The following HERC3 variants were observed in gnomAD, a reference collection of about 807,000 sequenced individuals.
The protein encoded by HERC3 is HECT and RLD domain containing E3 ubiquitin protein ligase 3, also known as probable E3 ubiquitin-protein ligase HERC3.
In HERC3, 58 loss-of-function variants were observed where a neutral mutation model predicts 129.9. That is an observed-to-expected ratio of 0.45 (90% CI 0.36 to 0.56). The LOEUF (loss-of-function observed/expected upper bound fraction) is 0.56. Ranked by LOEUF, HERC3 falls within the 20% of genes least tolerant of loss-of-function variation. The pLI, the probability that HERC3 is intolerant of heterozygous loss-of-function variation, is 0.00. For synonymous variants in HERC3, 430 were observed against 451.0 expected, an observed-to-expected ratio of 0.95 and a Z score of 0.59; for missense variants, 835 against 1,244.2, an observed-to-expected ratio of 0.67 and a Z score of 4.95.
rs1258419333 is a variant in HERC3, at chr4:88,697,588, TGG to T, written c.2658-6507_2658-6506del. 1.9e-6 allele frequency: 3 copies of T among 1,613,616 alleles called. No homozygotes were observed. The African/African-American group carries it at 4.0e-5, about 22-fold the overall frequency. The stretch of plus-strand genomic sequence containing the variant: ...CTTTGGGGCATTCTCTGCAGGGGTC[TGG>T]GGCTCCTCAGCCATCTGACCAGCCG... On this transcript the variant is annotated intron_variant, in intron 23 of 25. Transcript: ENST00000402738.
At chr4:88,697,899 T>C in intron 23 of HERC3, 1 of 1,120,556 alleles carries the variant, frequency 8.9e-7, no homozygotes, top group Non-Finnish European at 1.3e-6. Context: ...CCTCCTGCTT[T>C]CGCGGCACTT....
At chr4:88,595,517 G>A (rs999297682) in intron 1 of HERC3, 40 bp from the exon 2 acceptor site, 57 of 152,190 alleles carry the variant, frequency 3.7e-4, no homozygotes, top group African/African-American at 1.4e-3. Flanking sequence ...ACACAACAGA[G>A]TTCCATACTA....
rs985625115 is a variant in HERC3, at chr4:88,623,196, T to C, written c.226+17147T>C. On this transcript the variant is annotated intron_variant, in intron 3 of 25. Transcript: ENST00000402738. The stretch of plus-strand genomic sequence containing the variant: ...GTCGTCCTGAAGTTTTTGATGCAAG[T>C]GGCTAGGATGGACTCACATCAGTCA... Among the ~76,000 whole-genome samples, 4 of 152,332 alleles carry C rather than the reference T, an allele frequency of 2.6e-5. No individual in the cohort carries two copies. In the East Asian group the frequency reaches 7.7e-4, roughly 29 times the overall value.
rs1489759481 is a variant in HERC3 at position 88,708,199 on chromosome 4, A to G, written c.*1239A>G. On this transcript the variant is annotated 3_prime_UTR_variant, in exon 26 of 26. Transcript: ENST00000402738. ...ATCAAATATATGTATTTTAAAAATA[A>G]TGACATGCTCAACCTTCCTCATCAT... 1 of 152,620 alleles carries G rather than the reference A, an allele frequency of 6.6e-6. No homozygotes were observed. Among genetic ancestry groups the G allele is most frequent in the African/African-American group, 2.4e-5 (1 of 41,438 alleles). The allele number at this position is 152,620 out of a possible 1,614,324, so 9.5% of individuals were successfully genotyped here.
the HERC3 span, among the ~76,000 whole-genome samples, chr4:88,530,765 C>T: frequency 6.6e-6 from 1 of 152,278 alleles, no homozygotes; most frequent in East Asian, 1.9e-4. Context: ...CATTTCAAAA[C>T]TGATCACGAA....
chr4:88,652,796 C>G, intron 5 of HERC3, 73 bp from the exon 6 acceptor site: 1 of 1,464,968 alleles, frequency 6.8e-7, no homozygotes, highest in South Asian at 1.3e-5. Context: ...GCAAATGACC[C>G]TAATAACTAG....
intron 23 of HERC3, chr4:88,697,368 C>A (rs1271905606): frequency 2.5e-6 from 4 of 1,613,966 alleles, no homozygotes; most frequent in African/African-American, 1.3e-5. Flanking sequence ...TCCATGCACA[C>A]CCCTCCATCT....
intron 23 of HERC3, among the ~76,000 whole-genome samples, chr4:88,694,748 A>C (rs942955224): frequency 6.6e-6 from 1 of 152,148 alleles, no homozygotes; most frequent in Non-Finnish European, 1.5e-5. Context: ...CCAAAGGCTT[A>C]TGTTATGTTT....
chr4:88,548,305 CT>C, the HERC3 span, among the ~76,000 whole-genome samples: 1 of 152,166 alleles, frequency 6.6e-6, no homozygotes, highest in African/African-American at 2.4e-5. Context: ...ACCATTTTAT[CT>C]CTACCAGCAG....
chr4:88,551,353 A>G, the HERC3 span, among the ~76,000 whole-genome samples: 1 of 147,162 alleles, frequency 6.8e-6, no homozygotes, highest in Non-Finnish European at 1.5e-5. Context: ...GGCAACCTAC[A>G]AAATGGGAGA....
Position 88,704,239 on chromosome 4 carries a change from G to C in HERC3, c.2799G>C (p.Met933Ile). 1 of 1,614,150 alleles carries C rather than the reference G, an allele frequency of 6.2e-7. No individual in the cohort carries two copies. The highest frequency in any genetic ancestry group is 8.5e-7 in the Non-Finnish European group (1 of 1,180,020). ...TCCAGCCTTCAGAACTGAGGGCTAT[G>C]ATGGTGGGGAACAGCAACTACAACT... is the stretch of plus-strand genomic sequence containing the variant. Reference protein sequence around the residue: ...ELFQPSELRAMMVGNSNYNWE... With the variant: ...ELFQPSELRAIMVGNSNYNWE... The change falls in exon 24 of 26, where the codon ATG becomes ATC. Residue 933 changes from methionine (M) to isoleucine (I), a missense_variant. Transcript: ENST00000402738.
At chr4:88,600,383 T>G (rs1722848090) in intron 2 of HERC3, among the ~76,000 whole-genome samples, 1 of 152,248 alleles carries the variant, frequency 6.6e-6, no homozygotes, top group Non-Finnish European at 1.5e-5. Context: ...GTCAAGAGAT[T>G]TTTATCAGCC....
chr4:88,564,087 A>G, the HERC3 span, among the ~76,000 whole-genome samples: 5 of 152,348 alleles, frequency 3.3e-5, no homozygotes, highest in Middle Eastern at 6.8e-3. Context: ...ATAATCTATC[A>G]CATGGATTGA....
chr4:88,631,305 A>T (rs1004542502), intron 3 of HERC3, among the ~76,000 whole-genome samples: 1 of 152,120 alleles, frequency 6.6e-6, no homozygotes, highest in African/African-American at 2.4e-5. Context: ...AAATGCAAAA[A>T]TTAGCCAGGC....
At chr4:88,687,369 A>G in intron 23 of HERC3, 70 bp downstream of exon 23, 1 of 1,016,094 alleles carries the variant, frequency 9.8e-7, no homozygotes, top group Non-Finnish European at 1.5e-6. Context: ...TTTAAGACCA[A>G]AATAAAAATT....
chr4:88,676,090 A>G, intron 16 of HERC3, 128 bp from the exon 17 acceptor site: 1 of 643,814 alleles, frequency 1.6e-6, no homozygotes, highest in Non-Finnish European at 2.7e-6. Flanking sequence ...CAGCCATTCA[A>G]ATGGTGTTAG....
At chr4:88,573,495 A>C in the HERC3 span, among the ~76,000 whole-genome samples, 11 of 152,320 alleles carry the variant, frequency 7.2e-5, no homozygotes, top group East Asian at 1.9e-3. Flanking sequence ...GACTTCTGGA[A>C]TTCTGGGATA....
chr4:88,527,908 A>G, the HERC3 span: 1 of 274,408 alleles, frequency 3.6e-6, no homozygotes, highest in African/African-American at 2.3e-5. Context: ...CACCAAGGCG[A>G]TGTGGGACTC....
At chr4:88,558,523 G>A in the HERC3 span, among the ~76,000 whole-genome samples, 2 of 152,116 alleles carry the variant, frequency 1.3e-5, no homozygotes, top group Admixed American at 6.6e-5. Context: ...GGGGAGTGAG[G>A]AATAAAACAC....
Sources: gnomAD v4.1 joint callset for allele counts (sites outside exome capture counted in the v4.1 genomes callset) on GRCh38, gnomAD v4.1.1 for gene constraint, MANE v1.5 for transcripts, NCBI Gene and HGNC (gene_info 2026-07-23, HGNC 2026-07-21) for gene names.